ABLIM3: variants seen among roughly 807,000 people sequenced by gnomAD.
ABLIM3 encodes the protein actin binding LIM protein family member 3.
A neutral mutation model predicts 109.5 loss-of-function variants in ABLIM3; 61 were observed. The ratio of observed to expected loss-of-function variants is 0.56; its 90% CI spans 0.45 to 0.69. ABLIM3 has a LOEUF of 0.69. Ranked by LOEUF, ABLIM3 falls within the 30% of genes least tolerant of loss-of-function variation. The pLI is 0.00. For synonymous variants in ABLIM3, 300 were observed against 324.8 expected (o/e 0.92, Z 0.82); for missense variants, 796 against 889.5 (o/e 0.89, Z 1.34).
chr5:149,249,481 T>A (rs928858589), intron 18 of ABLIM3, among the ~76,000 whole-genome samples: 5 of 152,190 alleles, frequency 3.3e-5, no homozygotes, highest in African/African-American at 1.2e-4. Context: ...GCCTGACCAC[T>A]GAGGGCCACT....
intron 10 of ABLIM3, among the ~76,000 whole-genome samples, chr5:149,234,468 A>G (rs1203848872): frequency 6.6e-6 from 1 of 152,248 alleles, no homozygotes; most frequent in Non-Finnish European, 1.5e-5. Context: ...CTGCCAGATC[A>G]TTACTTCAAA....
At chr5:149,186,795 G>T (rs941757261) in intron 3 of ABLIM3, among the ~76,000 whole-genome samples, 1 of 151,610 alleles carries the variant, frequency 6.6e-6, no homozygotes, top group Non-Finnish European at 1.5e-5. Flanking sequence ...GAAATTTCCT[G>T]TCATTACATA....
intron 2 of ABLIM3, among the ~76,000 whole-genome samples, chr5:149,177,412 C>G (rs1294073168): frequency 6.6e-6 from 1 of 152,182 alleles, no homozygotes; most frequent in African/African-American, 2.4e-5. Flanking sequence ...TGATGCCTCC[C>G]CTGGAAACAG....
intron 19 of ABLIM3, 32 bp downstream of exon 19, chr5:149,249,876 C>G: frequency 6.2e-7 from 1 of 1,613,650 alleles, no homozygotes; most frequent in Non-Finnish European, 8.5e-7. Flanking sequence ...TTCAGCCCAT[C>G]ATGTCCCATG....
chr5:149,181,341 C>T (rs1367244680), intron 2 of ABLIM3, among the ~76,000 whole-genome samples: 1 of 151,988 alleles, frequency 6.6e-6, no homozygotes, highest in East Asian at 1.9e-4. Flanking sequence ...GATGTGATGG[C>T]CATGATACCA....
intron 6 of ABLIM3, among the ~76,000 whole-genome samples, 194 bp from the exon 7 acceptor site, chr5:149,210,532 A>T (rs1338303517): frequency 6.6e-6 from 1 of 152,236 alleles, no homozygotes; most frequent in East Asian, 1.9e-4. Context: ...AGGTGGTCCC[A>T]GGAGGCTTCC....
chr5:149,254,527 A>G (rs762061888), intron 23 of ABLIM3, among the ~76,000 whole-genome samples: 1 of 152,150 alleles, frequency 6.6e-6, no homozygotes, highest in Non-Finnish European at 1.5e-5. Context: ...GGAAAAGCAT[A>G]TGAGCTGCCC....
chr5:149,255,431 G>A (rs1212728032), intron 23 of ABLIM3, among the ~76,000 whole-genome samples: 1 of 152,152 alleles, frequency 6.6e-6, no homozygotes, highest in African/African-American at 2.4e-5. Context: ...TGTCAATATT[G>A]TTGACACAAA....
rs141295193 is a variant in ABLIM3, at chr5:149,239,250, G to A, written c.1047G>A (p.Ser349=). The part of the protein sequence containing the change: ...EMLERCGYGE[S]LGTLSPYSQD... ...CCTTCAAACTCTTCACTTCTAAGTC[G>A]CTGGGAACATTATCTCCCTACTCCC... The change falls in exon 12 of 24, where the codon TCG becomes TCA. Residue 349 remains serine, a splice_region_variant and synonymous_variant. Transcript: ENST00000309868. The A allele has an allele frequency of 1.6e-4, 256 of 1,613,916 alleles. 1 individual carries two copies. The highest frequency in any genetic ancestry group is 1.1e-3 in the South Asian group (102 of 91,070).
intron 2 of ABLIM3, among the ~76,000 whole-genome samples, chr5:149,146,666 T>G (rs974861941): frequency 2.4e-4 from 37 of 152,210 alleles, no homozygotes; most frequent in African/African-American, 8.0e-4. Flanking sequence ...TCTGTTCCAT[T>G]GGTCTATATG....
At chr5:149,167,462 G>T (rs1754932737) in intron 2 of ABLIM3, among the ~76,000 whole-genome samples, 1 of 152,130 alleles carries the variant, frequency 6.6e-6, no homozygotes, top group Non-Finnish European at 1.5e-5. Context: ...TGCTAACATT[G>T]CAGTATCCTG....
chr5:149,149,180 A>G (rs1278029286), intron 2 of ABLIM3, among the ~76,000 whole-genome samples: 1 of 152,210 alleles, frequency 6.6e-6, no homozygotes, highest in Non-Finnish European at 1.5e-5. Context: ...TCGAGTTCAA[A>G]CTCAAGATCT....
intron 12 of ABLIM3, 103 bp downstream of exon 12, chr5:149,239,380 G>A: frequency 7.7e-7 from 1 of 1,295,796 alleles, no homozygotes; most frequent in Non-Finnish European, 1.1e-6. Context: ...CTTGCCCAAG[G>A]TATTCCCTGC....
Position 149,235,131 on chromosome 5 carries a change from G to C in ABLIM3, c.888+1831G>C, listed in dbSNP as rs987417612. Reference sequence around the variant, plus strand: ...TGTGTCTCCCCTTCCAGCCTCTCCTGCTCTCACCGTTTATGGTGCCTCATG... The same window carrying C: ...TGTGTCTCCCCTTCCAGCCTCTCCTCCTCTCACCGTTTATGGTGCCTCATG... On this transcript the variant is annotated intron_variant, in intron 10 of 23. Transcript: ENST00000309868. 8.5e-5 allele frequency among the ~76,000 whole-genome samples: 13 copies of C among 152,270 alleles called. No homozygotes were observed. In the East Asian group the frequency reaches 2.5e-3, roughly 29 times the overall value.
intron 9 of ABLIM3, among the ~76,000 whole-genome samples, chr5:149,231,269 T>A (rs1761831980): frequency 6.6e-6 from 1 of 152,160 alleles, no homozygotes; most frequent in African/African-American, 2.4e-5. Flanking sequence ...AGGTCCTGTG[T>A]CCCTCTGAAT....
At chr5:149,239,002 G>A (rs763574938) in intron 11 of ABLIM3, among the ~76,000 whole-genome samples, 3 of 152,174 alleles carry the variant, frequency 2.0e-5, no homozygotes, top group African/African-American at 4.8e-5. Flanking sequence ...GTGAGCCTTC[G>A]TATTCTCTCT....
intron 16 of ABLIM3, among the ~76,000 whole-genome samples, chr5:149,245,843 G>A (rs1753299664): frequency 6.6e-6 from 1 of 152,104 alleles, no homozygotes. Flanking sequence ...TGTCCATTCT[G>A]AGCAAAGCTT....
chr5:149,236,555 G>A (rs1752213367), intron 10 of ABLIM3, among the ~76,000 whole-genome samples: 1 of 152,130 alleles, frequency 6.6e-6, no homozygotes, highest in African/African-American at 2.4e-5. Context: ...ATGAGATGCG[G>A]GCTGTCACAT....
At chr5:149,241,143 T>C (rs1180841973) in intron 14 of ABLIM3, among the ~76,000 whole-genome samples, 1 of 152,242 alleles carries the variant, frequency 6.6e-6, no homozygotes, top group Non-Finnish European at 1.5e-5. Flanking sequence ...CAGCTGCTTA[T>C]AAGCTCATGA....
Sources: gnomAD v4.1 joint callset for allele counts (sites outside exome capture counted in the v4.1 genomes callset) on GRCh38, gnomAD v4.1.1 for gene constraint, MANE v1.5 for transcripts, NCBI Gene and HGNC (gene_info 2026-07-23, HGNC 2026-07-21) for gene names.